CDH18: variants seen among roughly 807,000 people sequenced by gnomAD.
CDH18 encodes the protein cadherin-18.
In CDH18, 31 loss-of-function variants were observed where a neutral mutation model predicts 67.9. The ratio of observed to expected loss-of-function variants is 0.46; its 90% confidence interval spans 0.34 to 0.62. The LOEUF (loss-of-function observed/expected upper bound fraction) is 0.62. CDH18 is among the 20% of genes least tolerant of loss of function. CDH18 has a pLI of 0.01. For missense variants in CDH18, 890 were observed against 975.5 expected (o/e 0.91, Z 1.17); for synonymous variants, 362 against 347.2 (o/e 1.04, Z -0.48).
chr5:19,698,620 A>G (rs1390399684), intron 5 of CDH18, among the ~76,000 whole-genome samples: 1 of 152,044 alleles, frequency 6.6e-6, no homozygotes, highest in African/African-American at 2.4e-5. Context: ...TCAATGTAAT[A>G]AAAAATATAA....
chr5:20,326,476 T>TCTGA (rs932851345), intron 1 of CDH18, among the ~76,000 whole-genome samples: 15 of 152,034 alleles, frequency 9.9e-5, no homozygotes, highest in African/African-American at 3.6e-4. Context: ...AGGAAAAAAG[T>TCTGA]CTGACTGAAT....
intron 6 of CDH18, among the ~76,000 whole-genome samples, chr5:19,606,989 A>G (rs1018315328): frequency 6.6e-6 from 1 of 151,720 alleles, no homozygotes; most frequent in Non-Finnish European, 1.5e-5. Context: ...TGATTTTTCA[A>G]TGAACAAAAT....
chr5:19,477,364 G>C (rs928757554), intron 12 of CDH18, among the ~76,000 whole-genome samples: 1 of 151,210 alleles, frequency 6.6e-6, no homozygotes, highest in African/African-American at 2.4e-5. Context: ...GATGGCACCA[G>C]GTAGATACTC....
Position 19,473,063 on chromosome 5 carries a change from A to C in CDH18, c.*163T>G. On this transcript the variant is annotated 3_prime_UTR_variant, in exon 13 of 13. Coordinates refer to ENST00000382275, the MANE Select transcript of CDH18 (RefSeq NM_004934.5). ...TTTTTTTTTTACTTTCTTCCAATTA[A>C]ATAACCCAGTTTCGATCATGAAAAG... is the stretch of plus-strand genomic sequence containing the variant. The C allele has an allele frequency of 1.5e-6, 1 of 657,210 alleles. No homozygotes were observed. The highest frequency in any genetic ancestry group is 2.7e-5 in the East Asian group (1 of 36,394). The allele number at this position is 657,210 out of a possible 1,614,324, so 40.7% of individuals were successfully genotyped here. A position where few individuals can be genotyped will look rare whatever the true frequency, so the allele number is the denominator to read the frequency against.
chr5:20,324,676 A>G (rs1561972002), intron 1 of CDH18, among the ~76,000 whole-genome samples: 1 of 152,166 alleles, frequency 6.6e-6, no homozygotes, highest in Non-Finnish European at 1.5e-5. Flanking sequence ...ATTTGTTTCT[A>G]TGGGTGAGGG....
intron 5 of CDH18, among the ~76,000 whole-genome samples, chr5:19,709,004 T>TTAAA (rs1458426187): frequency 0.043 from 6,383 of 149,018 alleles, 452 homozygotes; most frequent in African/African-American, 0.15. Flanking sequence ...CTAGACTCTG[T>TTAAA]TAAATAAATA....
At chr5:19,688,043 G>A (rs903907547) in intron 5 of CDH18, among the ~76,000 whole-genome samples, 1 of 152,160 alleles carries the variant, frequency 6.6e-6, no homozygotes, top group Non-Finnish European at 1.5e-5. Context: ...CTGAGGGCCT[G>A]AGGATGGCCC....
intron 1 of CDH18, among the ~76,000 whole-genome samples, chr5:20,494,286 A>G (rs1406851214): frequency 1.3e-5 from 2 of 152,172 alleles, no homozygotes; most frequent in Non-Finnish European, 2.9e-5. Context: ...AACTGAGTGT[A>G]GATATTAGAA....
At chr5:19,833,243 C>A (rs559907457) in intron 3 of CDH18, among the ~76,000 whole-genome samples, 1 of 150,960 alleles carries the variant, frequency 6.6e-6, no homozygotes, top group African/African-American at 2.5e-5. Context: ...TCCTTCACAT[C>A]CCTTGTTAGC....
chr5:19,708,560 T>C (rs960049162), intron 5 of CDH18, among the ~76,000 whole-genome samples: 5 of 152,202 alleles, frequency 3.3e-5, no homozygotes, highest in Non-Finnish European at 5.9e-5. Flanking sequence ...CTGATGGCTA[T>C]GATGCCCATG....
intron 1 of CDH18, among the ~76,000 whole-genome samples, chr5:20,550,705 C>A (rs1194030887): frequency 6.6e-6 from 1 of 152,164 alleles, no homozygotes; most frequent in Non-Finnish European, 1.5e-5. Flanking sequence ...CCACTTAGAG[C>A]CCACCTGCTT....
intron 2 of CDH18, among the ~76,000 whole-genome samples, chr5:19,892,903 T>C (rs1788930778): frequency 6.6e-6 from 1 of 152,182 alleles, no homozygotes; most frequent in African/African-American, 2.4e-5. Flanking sequence ...ATGCAACATA[T>C]TAAACACTGG....
intron 1 of CDH18, among the ~76,000 whole-genome samples, chr5:20,298,807 G>A (rs1305973002): frequency 6.6e-6 from 1 of 152,022 alleles, no homozygotes; most frequent in Non-Finnish European, 1.5e-5. Flanking sequence ...TACATGAAGG[G>A]AATTGAAAAT....
intron 4 of CDH18, among the ~76,000 whole-genome samples, chr5:19,738,834 G>T (rs1355916522): frequency 6.6e-6 from 1 of 151,954 alleles, no homozygotes; most frequent in African/African-American, 2.4e-5. Context: ...CAAACCCCAT[G>T]ACACATGTTT....
chr5:19,946,739 T>A (rs1028301707), intron 2 of CDH18, among the ~76,000 whole-genome samples: 1 of 152,110 alleles, frequency 6.6e-6, no homozygotes, highest in Admixed American at 6.6e-5. Flanking sequence ...CCAACATATT[T>A]TATAAGGCCA....
In CDH18 at chr5:19,720,966, C is replaced by T. The variant is rs192741766; in HGVS notation, c.643+381G>A. ...TAGGAAAATTTCAAAGAGCTATTTA[C>T]CCTCTTCAGCTAAGAATTAAAACTA... On this transcript the variant is annotated intron_variant, in intron 5 of 12. Coordinates refer to ENST00000382275, the MANE Select transcript of CDH18 (RefSeq NM_004934.5). Among the ~76,000 whole-genome samples the T allele has an allele frequency of 1.3e-3, 196 of 152,134 alleles. 1 individual carries two copies. The highest frequency in any genetic ancestry group is 4.6e-3 in the African/African-American group (190 of 41,488).
intron 10 of CDH18, among the ~76,000 whole-genome samples, chr5:19,517,418 C>T (rs1410579616): frequency 6.6e-6 from 1 of 151,804 alleles, no homozygotes. Context: ...CAGACTTTTT[C>T]AAAGAGCATC....
intron 2 of CDH18, among the ~76,000 whole-genome samples, chr5:20,197,201 G>C (rs756289290): frequency 4.6e-5 from 7 of 151,974 alleles, no homozygotes; most frequent in Non-Finnish European, 1.0e-4. Flanking sequence ...TAGTAGAGAT[G>C]GGGTTTCACC....
intron 11 of CDH18, among the ~76,000 whole-genome samples, chr5:19,494,340 T>C (rs1419322924): frequency 6.6e-6 from 1 of 152,220 alleles, no homozygotes; most frequent in Non-Finnish European, 1.5e-5. Context: ...AAATAATAAT[T>C]GCCTATATGT....
Sources: gnomAD v4.1 joint callset for allele counts (sites outside exome capture counted in the v4.1 genomes callset) on GRCh38, gnomAD v4.1.1 for gene constraint, MANE v1.5 for transcripts, NCBI Gene and HGNC (gene_info 2026-07-23, HGNC 2026-07-21) for gene names.